Variants in CSMD1 observed in about 807,000 individuals in gnomAD.
CSMD1 encodes CUB and sushi domain-containing protein 1.
CSMD1 carries 213 observed loss-of-function variants against 417.5 expected under a neutral mutation model. The ratio of observed to expected loss-of-function variants is 0.51; its 90% CI spans 0.46 to 0.57. The LOEUF (loss-of-function observed/expected upper bound fraction) is 0.57, where lower values mean the gene tolerates loss of function less well. Ranked by LOEUF, CSMD1 falls within the 20% of genes least tolerant of loss-of-function variation. The pLI is 0.00. For missense variants in CSMD1, 6,923 were observed against 4,529.7 expected, an observed-to-expected ratio of 1.53 and a Z score of -15.17; for synonymous variants, 2,862 against 1,736.8, an observed-to-expected ratio of 1.65 and a Z score of -16.11.
intron 3 of CSMD1, among the ~76,000 whole-genome samples, chr8:4,206,322 C>G (rs1384315291): frequency 1.3e-5 from 2 of 152,074 alleles, no homozygotes; most frequent in Non-Finnish European, 2.9e-5. Context: ...TTAGGTATAT[C>G]TCCTGATGCT....
chr8:4,189,953 G>C (rs1034296272), intron 3 of CSMD1, among the ~76,000 whole-genome samples: 2 of 151,738 alleles, frequency 1.3e-5, no homozygotes, highest in East Asian at 1.9e-4. Flanking sequence ...AGAGAGCATA[G>C]TGTAGTGCTT....
chr8:3,451,432 G>C (rs1015941563), intron 12 of CSMD1, among the ~76,000 whole-genome samples: 1 of 152,110 alleles, frequency 6.6e-6, no homozygotes, highest in African/African-American at 2.4e-5. Flanking sequence ...GTTCTTCTAG[G>C]GTTTTTATGG....
intron 55 of CSMD1, 88 bp from the exon 56 acceptor site, chr8:2,974,712 ACAT>A: frequency 1.1e-6 from 1 of 896,486 alleles, no homozygotes; most frequent in Non-Finnish European, 1.5e-6. Context: ...ACCCATACTG[ACAT>A]CATGTATTAA....
At chr8:4,321,800 A>T (rs1221570120) in intron 3 of CSMD1, among the ~76,000 whole-genome samples, 1 of 152,198 alleles carries the variant, frequency 6.6e-6, no homozygotes, top group Non-Finnish European at 1.5e-5. Context: ...CTAAATTTAC[A>T]AAGTACTAAA....
intron 3 of CSMD1, among the ~76,000 whole-genome samples, chr8:4,202,919 G>C (rs569007554): frequency 6.6e-6 from 1 of 152,172 alleles, no homozygotes; most frequent in Non-Finnish European, 1.5e-5. Context: ...CACCTGGAGT[G>C]AGGAGAGATG....
At position 3,478,731 on chromosome 8, in the gene CSMD1, T is replaced by C. The variant is rs370173563; in HGVS notation, c.1449-9907A>G. Among the ~76,000 whole-genome samples, 10 of 152,262 alleles carry C rather than the reference T, an allele frequency of 6.6e-5. No homozygotes were observed. In the South Asian group the frequency reaches 1.2e-3, roughly 19 times the overall value. On this transcript the variant is annotated intron_variant, in intron 11 of 69. Transcript: ENST00000635120. Reference sequence around the variant, plus strand: ...GCAGCACCACAGCAAATAAAATGGATGTAAGAGCCACACCAACAACAAACA... The same window carrying C: ...GCAGCACCACAGCAAATAAAATGGACGTAAGAGCCACACCAACAACAAACA...
At chr8:3,131,425 G>C (rs1409513654) in intron 41 of CSMD1, among the ~76,000 whole-genome samples, 2 of 150,194 alleles carry the variant, frequency 1.3e-5, no homozygotes, top group South Asian at 2.1e-4. Flanking sequence ...CAAAGCAATG[G>C]ATTATCTATG....
chr8:4,184,375 C>G (rs1003895361), intron 3 of CSMD1, among the ~76,000 whole-genome samples: 1 of 152,170 alleles, frequency 6.6e-6, no homozygotes, highest in African/African-American at 2.4e-5. Flanking sequence ...TCCCTGAAAA[C>G]TAGCTATTTC....
chr8:2,983,673 G>A lies in CSMD1; in HGVS notation c.8378-4873C>T, dbSNP rs189273879. 1.3e-3 allele frequency among the ~76,000 whole-genome samples: 192 copies of A among 151,958 alleles called. 2 individuals are homozygous for A. Among genetic ancestry groups the A allele is most frequent in the African/African-American group, 4.5e-3 (187 of 41,438 alleles). ...GTAACCCAAAGTAAAGCACTTCCCA[G>A]TCTTTGGCATCAGCACTCTTTCCTA... On this transcript the variant is annotated intron_variant, in intron 54 of 69. Transcript: ENST00000635120.
At chr8:3,092,886 G>A (rs1038422970) in intron 47 of CSMD1, among the ~76,000 whole-genome samples, 3 of 145,302 alleles carry the variant, frequency 2.1e-5, no homozygotes, top group South Asian at 4.6e-4. Context: ...ATTATGGACT[G>A]GGAGAATGCA....
chr8:3,200,478 C>G (rs1383887357), intron 32 of CSMD1, among the ~76,000 whole-genome samples: 3 of 151,780 alleles, frequency 2.0e-5, no homozygotes, highest in Non-Finnish European at 2.9e-5. Flanking sequence ...TCGCTTGAAC[C>G]TGGGAGATGG....
At chr8:3,318,621 A>G (rs1216306968) in intron 23 of CSMD1, among the ~76,000 whole-genome samples, 4 of 152,234 alleles carry the variant, frequency 2.6e-5, no homozygotes, top group Middle Eastern at 3.2e-3. Flanking sequence ...ATGTATAAGC[A>G]TGGTTTTGCC....
intron 2 of CSMD1, among the ~76,000 whole-genome samples, chr8:4,545,782 A>G (rs1797602178): frequency 6.6e-6 from 1 of 152,226 alleles, no homozygotes; most frequent in Non-Finnish European, 1.5e-5. Flanking sequence ...ATCATGCACC[A>G]TGTTAAAATC....
At chr8:3,016,664 T>C (rs559315693) in intron 52 of CSMD1, among the ~76,000 whole-genome samples, 3 of 152,348 alleles carry the variant, frequency 2.0e-5, no homozygotes, top group South Asian at 4.1e-4. Flanking sequence ...TTAAATACTC[T>C]ATGTCTCTTC....
intron 5 of CSMD1, among the ~76,000 whole-genome samples, chr8:3,981,293 T>C (rs1428188758): frequency 6.6e-6 from 1 of 151,976 alleles, no homozygotes; most frequent in African/African-American, 2.4e-5. Context: ...AGCTAAGCTA[T>C]GAGGACACAA....
At chr8:3,951,219 C>G (rs1048597514) in intron 5 of CSMD1, among the ~76,000 whole-genome samples, 1 of 152,168 alleles carries the variant, frequency 6.6e-6, no homozygotes, top group Non-Finnish European at 1.5e-5. Context: ...TTTGTGGGGA[C>G]TGCACAGGCG....
chr8:3,893,647 G>C (rs1807149045), intron 5 of CSMD1, among the ~76,000 whole-genome samples: 1 of 151,806 alleles, frequency 6.6e-6, no homozygotes, highest in Admixed American at 6.6e-5. Context: ...CTCTCAGTTA[G>C]GAGAGGTAGT....
chr8:4,342,710 T>G (rs1253053810), intron 3 of CSMD1, among the ~76,000 whole-genome samples: 1 of 152,034 alleles, frequency 6.6e-6, no homozygotes, highest in Non-Finnish European at 1.5e-5. Context: ...CCCAGGAGGT[T>G]AGCAAAGGGA....
At chr8:3,402,978 G>C (rs929898505) in intron 15 of CSMD1, among the ~76,000 whole-genome samples, 7 of 152,178 alleles carry the variant, frequency 4.6e-5, no homozygotes, top group African/African-American at 1.7e-4. Context: ...CTGTTCTAAT[G>C]GTTTCCAGAT....
Sources: allele counts gnomAD v4.1 joint callset (sites outside exome capture counted in the v4.1 genomes callset), GRCh38; gene constraint gnomAD v4.1.1; transcripts MANE v1.5; gene names NCBI Gene and HGNC (gene_info 2026-07-23, HGNC 2026-07-21).